NCALD: variants seen among roughly 807,000 people sequenced by gnomAD.
NCALD encodes neurocalcin delta, also known as neurocalcin-delta.
A neutral mutation model predicts 18.6 loss-of-function variants in NCALD; 10 were observed. That is an observed-to-expected ratio of 0.54 (90% CI 0.33 to 0.91). NCALD has a LOEUF of 0.91. NCALD is among the 40% of genes least tolerant of loss of function. The pLI, the probability that NCALD is intolerant of heterozygous loss-of-function variation, is 0.03. For synonymous variants in NCALD, 88 were observed against 87.4 expected, an observed-to-expected ratio of 1.01 and a Z score of -0.04; for missense variants, 184 against 247.6, an observed-to-expected ratio of 0.74 and a Z score of 1.72.
At chr8:102,107,239 TAC>T (rs1292303449) in intron 1 of NCALD, among the ~76,000 whole-genome samples, 3,771 of 109,602 alleles carry the variant, frequency 0.034, 67 homozygotes, top group Middle Eastern at 0.052. Context: ...TATATATATA[TAC>T]ACATAGAAAT....
At chr8:101,951,243 G>GT (rs1819407908) in intron 2 of NCALD, among the ~76,000 whole-genome samples, 3 of 152,322 alleles carry the variant, frequency 2.0e-5, no homozygotes, top group Admixed American at 6.5e-5. Context: ...GGTACCCCAT[G>GT]TTTTTTAATG....
intron 1 of NCALD, among the ~76,000 whole-genome samples, chr8:101,729,775 C>T (rs907087001): frequency 3.9e-5 from 6 of 152,144 alleles, no homozygotes; most frequent in African/African-American, 9.7e-5. Flanking sequence ...CCTTGCTCTA[C>T]TAGAGTGTGC....
chr8:101,700,824 C>A (rs1815230142), intron 2 of NCALD, among the ~76,000 whole-genome samples: 1 of 152,222 alleles, frequency 6.6e-6, no homozygotes, highest in Admixed American at 6.5e-5. Flanking sequence ...ACAACTCCCA[C>A]TACTTCCCCC....
intron 3 of NCALD, among the ~76,000 whole-genome samples, chr8:101,901,192 T>C (rs1817407291): frequency 6.6e-6 from 1 of 152,048 alleles, no homozygotes; most frequent in Non-Finnish European, 1.5e-5. Context: ...ATATTTACAT[T>C]AAAACATTTT....
At chr8:101,944,854 G>A (rs143092755) in intron 2 of NCALD, among the ~76,000 whole-genome samples, 122 of 152,294 alleles carry the variant, frequency 8.0e-4, no homozygotes, top group African/African-American at 2.7e-3. Flanking sequence ...TAGTCCCCGC[G>A]TGCTTCAGCA....
At chr8:102,037,281 A>G (rs1409659911) in intron 1 of NCALD, among the ~76,000 whole-genome samples, 1 of 152,246 alleles carries the variant, frequency 6.6e-6, no homozygotes, top group Non-Finnish European at 1.5e-5. Flanking sequence ...TAGAAAAGTT[A>G]AGTAACTTGC....
At chr8:101,989,085 T>G (rs1220137470) in intron 2 of NCALD, among the ~76,000 whole-genome samples, 1 of 152,176 alleles carries the variant, frequency 6.6e-6, no homozygotes, top group Non-Finnish European at 1.5e-5. Flanking sequence ...TAAATATTTC[T>G]AATTAATTTT....
chr8:101,782,456 C>T (rs1259769563), intron 1 of NCALD, among the ~76,000 whole-genome samples: 1 of 152,040 alleles, frequency 6.6e-6, no homozygotes, highest in Non-Finnish European at 1.5e-5. Context: ...ATATTCTCAC[C>T]CCACTTAACA....
chr8:102,085,372 A>G (rs559770506), intron 1 of NCALD, among the ~76,000 whole-genome samples: 1 of 152,310 alleles, frequency 6.6e-6, no homozygotes, highest in Non-Finnish European at 1.5e-5. Flanking sequence ...ACTCCTATCT[A>G]TGCAGCATAA....
chr8:101,849,478 C>G (rs1360220516), intron 4 of NCALD, among the ~76,000 whole-genome samples: 1 of 152,038 alleles, frequency 6.6e-6, no homozygotes, highest in Non-Finnish European at 1.5e-5. Context: ...AAATACGGAG[C>G]TATGAATTTG....
chr8:101,901,432 T>C (rs959566237), intron 3 of NCALD, among the ~76,000 whole-genome samples: 1 of 152,112 alleles, frequency 6.6e-6, no homozygotes, highest in African/African-American at 2.4e-5. Context: ...CTTTTTTTCC[T>C]TTATTTTGAT....
intron 4 of NCALD, among the ~76,000 whole-genome samples, chr8:101,867,878 C>CT (rs1305089157): frequency 6.6e-6 from 1 of 152,114 alleles, no homozygotes; most frequent in African/African-American, 2.4e-5. Context: ...TCATCTATGC[C>CT]TAGGTATGCT....
At chr8:101,837,252 C>A (rs1279129672) in intron 4 of NCALD, among the ~76,000 whole-genome samples, 2 of 152,066 alleles carry the variant, frequency 1.3e-5, no homozygotes, top group Admixed American at 1.3e-4. Flanking sequence ...TGCCCTGTGT[C>A]CTTGGTTGAT....
intron 2 of NCALD, among the ~76,000 whole-genome samples, chr8:101,958,687 C>T (rs1041216821): frequency 1.3e-5 from 2 of 151,992 alleles, no homozygotes; most frequent in East Asian, 3.9e-4. Context: ...AAACTGAGGA[C>T]AAGGAGGCTA....
intron 1 of NCALD, among the ~76,000 whole-genome samples, chr8:102,043,140 A>G (rs1488515263): frequency 1.3e-5 from 2 of 151,952 alleles, no homozygotes; most frequent in African/African-American, 2.4e-5. Flanking sequence ...ATTCGGTCAC[A>G]TGGGCTTATT....
intron 1 of NCALD, among the ~76,000 whole-genome samples, chr8:102,051,804 T>A (rs1029373414): frequency 6.6e-6 from 1 of 152,232 alleles, no homozygotes; most frequent in African/African-American, 2.4e-5. Context: ...AAATCCAAAC[T>A]ACAATGTACC....
intron 4 of NCALD, among the ~76,000 whole-genome samples, chr8:101,808,087 A>T (rs936906606): frequency 6.7e-4 from 102 of 152,340 alleles, no homozygotes; most frequent in African/African-American, 2.4e-3. Flanking sequence ...TATCTGTAAT[A>T]AAAAGGGAAC....
chr8:101,941,940 C>G (rs1818974229), intron 2 of NCALD, among the ~76,000 whole-genome samples: 1 of 151,994 alleles, frequency 6.6e-6, no homozygotes, highest in South Asian at 2.1e-4. Flanking sequence ...TCTTTTTTCC[C>G]CAGGATTTTG....
At position 101,773,757 on chromosome 8, in the gene NCALD, A is replaced by C. The variant is rs149114243; in HGVS notation, c.-20+17105T>G. On this transcript the variant is annotated intron_variant, in intron 1 of 3. Transcript: ENST00000220931. ...AAACATAGGACTAGTTATATAAATA[A>C]AAACACATTTCCTAAATGTTGGCCT... 3.3e-5 allele frequency among the ~76,000 whole-genome samples: 5 copies of C among 152,310 alleles called. No homozygotes were observed. The East Asian group carries it at 9.6e-4, about 29-fold the overall frequency.
Sources: gnomAD v4.1 joint callset for allele counts (sites outside exome capture counted in the v4.1 genomes callset) on GRCh38, gnomAD v4.1.1 for gene constraint, MANE v1.5 for transcripts, NCBI Gene and HGNC (gene_info 2026-07-23, HGNC 2026-07-21) for gene names.